Variants in NLK observed in about 807,000 individuals in gnomAD.
The protein encoded by NLK is serine/threonine-protein kinase NLK.
A neutral mutation model predicts 59.0 loss-of-function variants in NLK; 11 were observed. The observed-to-expected ratio is 0.19, with a 90% CI of 0.12 to 0.31. The LOEUF is 0.31. Ranked by LOEUF, NLK falls within the 10% of genes least tolerant of loss-of-function variation. NLK has a pLI of 1.00. For missense variants in NLK, 410 were observed against 661.1 expected (o/e 0.62, Z 4.16); for synonymous variants, 235 against 235.9 (o/e 1.00, Z 0.03).
At chr17:28,093,151 A>G (rs1439679599) in intron 1 of NLK, among the ~76,000 whole-genome samples, 6 of 152,090 alleles carry the variant, frequency 3.9e-5, no homozygotes, top group African/African-American at 1.4e-4. Flanking sequence ...TTCTGAGACT[A>G]AGAGTAACTT....
chr17:28,090,738 G>T (rs1489336709), intron 1 of NLK, among the ~76,000 whole-genome samples: 9 of 151,956 alleles, frequency 5.9e-5, no homozygotes. Context: ...TATTTTTGCT[G>T]GGTATGCAAT....
At chr17:28,079,991 A>T (rs1910290141) in intron 1 of NLK, among the ~76,000 whole-genome samples, 1 of 152,126 alleles carries the variant, frequency 6.6e-6, no homozygotes, top group African/African-American at 2.4e-5. Flanking sequence ...TGATTTTTGT[A>T]TGTGATATAA....
chr17:28,185,075 A>G (rs1909063259), intron 7 of NLK, 104 bp from the exon 8 acceptor site: 1 of 479,618 alleles, frequency 2.1e-6, no homozygotes, highest in Middle Eastern at 3.1e-4. Context: ...TTAGACACAC[A>G]TTGCCTTTTG....
intron 3 of NLK, among the ~76,000 whole-genome samples, chr17:28,153,166 C>G (rs187879140): frequency 2.0e-5 from 3 of 151,430 alleles, no homozygotes; most frequent in Admixed American, 2.0e-4. Flanking sequence ...CCCAGCTACT[C>G]AAGAGGCCGA....
intron 1 of NLK, among the ~76,000 whole-genome samples, chr17:28,088,007 C>A (rs1289284602): frequency 6.6e-6 from 1 of 152,154 alleles, no homozygotes; most frequent in Non-Finnish European, 1.5e-5. Context: ...GAGTGGTTCC[C>A]TCTCTTATTT....
chr17:28,047,347 C>T (rs1597650330), intron 1 of NLK, among the ~76,000 whole-genome samples: 1 of 152,098 alleles, frequency 6.6e-6, no homozygotes, highest in East Asian at 1.9e-4. Flanking sequence ...GTAGCGTGTC[C>T]CCTCAGTTGT....
intron 5 of NLK, among the ~76,000 whole-genome samples, chr17:28,167,686 C>CAA (rs371790122): frequency 1.4e-4 from 13 of 93,898 alleles, no homozygotes; most frequent in East Asian, 2.9e-4. Context: ...CTCATCCCTA[C>CAA]AAAAAAAAAA....
chr17:28,085,594 G>A (rs139883759), intron 1 of NLK, among the ~76,000 whole-genome samples: 1,642 of 152,146 alleles, frequency 0.011, 31 homozygotes, highest in African/African-American at 0.038. Context: ...ACAAAAAGTA[G>A]CCAGGCGTAG....
intron 1 of NLK, among the ~76,000 whole-genome samples, chr17:28,050,704 T>C (rs774643037): frequency 3.9e-5 from 6 of 152,102 alleles, no homozygotes; most frequent in Non-Finnish European, 8.8e-5. Context: ...AAGAAGCTAC[T>C]GGAAGCAGAA....
chr17:28,102,630 C>G (rs1351096640), intron 1 of NLK, among the ~76,000 whole-genome samples: 1 of 145,400 alleles, frequency 6.9e-6, no homozygotes, highest in Non-Finnish European at 1.5e-5. Context: ...AGCCTGGCAA[C>G]AGACTGAGAC....
At chr17:28,113,266 A>T (rs1159159049) in intron 1 of NLK, among the ~76,000 whole-genome samples, 2 of 152,224 alleles carry the variant, frequency 1.3e-5, no homozygotes, top group African/African-American at 4.8e-5. Flanking sequence ...AGTACCCAGA[A>T]GTCCCCTGTG....
intron 6 of NLK, among the ~76,000 whole-genome samples, chr17:28,169,721 C>CTTTTTTTTTTTTTTTTTTT (rs1193124964): frequency 7.2e-5 from 8 of 111,620 alleles, no homozygotes; most frequent in African/African-American, 2.7e-4. Flanking sequence ...GCTTCTTCTT[C>CTTTTTTTTTTTTTTTTTTT]TTTTTTTTTT....
chr17:28,130,919 T>C (rs1416193343), intron 2 of NLK, among the ~76,000 whole-genome samples: 1 of 152,136 alleles, frequency 6.6e-6, no homozygotes, highest in African/African-American at 2.4e-5. Flanking sequence ...ATCTGTCATA[T>C]GAAAAAAATT....
At chr17:28,098,960 G>A (rs1456259279) in intron 1 of NLK, among the ~76,000 whole-genome samples, 1 of 152,072 alleles carries the variant, frequency 6.6e-6, no homozygotes, top group Non-Finnish European at 1.5e-5. Context: ...GGGATTACAG[G>A]TGTGAGCCAC....
At chr17:28,134,028 T>C (rs1906630146) in intron 3 of NLK, among the ~76,000 whole-genome samples, 1 of 151,946 alleles carries the variant, frequency 6.6e-6, no homozygotes, top group African/African-American at 2.4e-5. Context: ...TCTTGAATGC[T>C]AGTCAGCCCT....
intron 1 of NLK, among the ~76,000 whole-genome samples, chr17:28,072,381 A>C (rs1910036839): frequency 7.0e-6 from 1 of 142,436 alleles, no homozygotes; most frequent in African/African-American, 2.6e-5. Flanking sequence ...GCTGGAGTGC[A>C]GATGTGCGGT....
At chr17:28,132,515 C>G in intron 2 of NLK, 105 bp from the exon 3 acceptor site, 1 of 822,462 alleles carries the variant, frequency 1.2e-6, no homozygotes, top group Non-Finnish European at 2.0e-6. Context: ...GCAATTGTAA[C>G]TAAGCTTTAA....
intron 10 of NLK, among the ~76,000 whole-genome samples, chr17:28,192,655 C>T (rs902196001): frequency 2.6e-5 from 4 of 151,332 alleles, no homozygotes; most frequent in African/African-American, 4.9e-5. Flanking sequence ...GCAACAAGAG[C>T]GAAACTCCAT....
chr17:28,105,379 G>A (rs1905040675), intron 1 of NLK, among the ~76,000 whole-genome samples: 1 of 152,102 alleles, frequency 6.6e-6, no homozygotes, highest in South Asian at 2.1e-4. Context: ...AGATTTCATA[G>A]TTTGTGTATA....
Sources: allele counts gnomAD v4.1 joint callset (sites outside exome capture counted in the v4.1 genomes callset), GRCh38; gene constraint gnomAD v4.1.1; transcripts MANE v1.5; gene names NCBI Gene and HGNC (gene_info 2026-07-23, HGNC 2026-07-21).